Variants in GPC6 observed in about 807,000 individuals in gnomAD.
GPC6 encodes the protein glypican-6.
GPC6 carries 14 observed loss-of-function variants against 55.2 expected under a neutral mutation model. The ratio of observed to expected loss-of-function variants is 0.25; its 90% CI spans 0.17 to 0.40. The LOEUF (loss-of-function observed/expected upper bound fraction) is 0.40. Ranked by LOEUF, GPC6 falls within the 10% of genes least tolerant of loss-of-function variation. The pLI, the probability that GPC6 is intolerant of heterozygous loss-of-function variation, is 1.00. For synonymous variants in GPC6, 278 were observed against 259.6 expected (o/e 1.07, Z -0.68); for missense variants, 641 against 708.5 (o/e 0.90, Z 1.08).
intron 3 of GPC6, among the ~76,000 whole-genome samples, chr13:93,912,353 T>G (rs900239473): frequency 1.3e-5 from 2 of 152,156 alleles, no homozygotes; most frequent in African/African-American, 4.8e-5. Context: ...CCTTTTCTGT[T>G]TTCTCCAAAA....
intron 3 of GPC6, among the ~76,000 whole-genome samples, chr13:93,874,381 G>T (rs557333104): frequency 6.6e-6 from 1 of 151,610 alleles, no homozygotes; most frequent in African/African-American, 2.4e-5. Context: ...ACATGACCTT[G>T]TTCTTTTTTA....
chr13:94,014,529 T>G (rs1566288137), intron 3 of GPC6, among the ~76,000 whole-genome samples: 1 of 152,212 alleles, frequency 6.6e-6, no homozygotes, highest in African/African-American at 2.4e-5. Context: ...ATACATTTTA[T>G]GTACTATAAA....
chr13:94,064,293 T>C (rs968906593), intron 4 of GPC6, among the ~76,000 whole-genome samples: 9 of 152,238 alleles, frequency 5.9e-5, no homozygotes, highest in Admixed American at 3.9e-4. Flanking sequence ...TAGAGGAATG[T>C]AATAAAAATT....
intron 5 of GPC6, among the ~76,000 whole-genome samples, chr13:94,294,460 T>TAAGAG (rs2139096586): frequency 7.1e-6 from 1 of 140,572 alleles, no homozygotes; most frequent in African/African-American, 2.7e-5. Flanking sequence ...AAAAAAACCC[T>TAAGAG]AAGAGAACAG....
intron 1 of GPC6, among the ~76,000 whole-genome samples, chr13:93,428,601 A>AT (rs1877241049): frequency 6.6e-6 from 1 of 152,132 alleles, no homozygotes; most frequent in Non-Finnish European, 1.5e-5. Flanking sequence ...ATGTGTAATG[A>AT]TTATTACGCA....
At chr13:93,803,916 G>T (rs1379210989) in intron 2 of GPC6, among the ~76,000 whole-genome samples, 1 of 152,082 alleles carries the variant, frequency 6.6e-6, no homozygotes, top group Admixed American at 6.6e-5. Flanking sequence ...AGGGTTGGGA[G>T]AAAATCAGAA....
chr13:94,047,336 C>T (rs965821287), intron 4 of GPC6, among the ~76,000 whole-genome samples: 5 of 152,026 alleles, frequency 3.3e-5, no homozygotes, highest in Non-Finnish European at 7.4e-5. Flanking sequence ...TCAGCCTTTA[C>T]TCAATGCCGG....
chr13:93,759,174 C>T (rs921224981), intron 2 of GPC6, among the ~76,000 whole-genome samples: 9 of 152,088 alleles, frequency 5.9e-5, no homozygotes, highest in African/African-American at 2.2e-4. Context: ...TGTATATTTG[C>T]TGATTATAAC....
chr13:94,349,058 G>A (rs1033907033), intron 6 of GPC6, among the ~76,000 whole-genome samples: 4 of 152,176 alleles, frequency 2.6e-5, no homozygotes, highest in African/African-American at 7.2e-5. Flanking sequence ...TGGAGCAGAC[G>A]TGTTTTCATG....
chr13:94,346,301 G>T (rs908496273), intron 6 of GPC6, among the ~76,000 whole-genome samples: 1 of 152,198 alleles, frequency 6.6e-6, no homozygotes, highest in Admixed American at 6.5e-5. Context: ...TGAGGATGGG[G>T]GGAGTGTGAG....
chr13:94,382,381 A>C, intron 6 of GPC6, 33 bp from the exon 7 acceptor site: 3 of 1,612,952 alleles, frequency 1.9e-6, no homozygotes, highest in Non-Finnish European at 2.5e-6. Flanking sequence ...CCTGAGCAGA[A>C]TACTCACTTG....
In GPC6 at chr13:93,343,304, G is replaced by A. The variant is rs1430995963; in HGVS notation, c.160+115688G>A. ...AAGTTTAACACATTCATTTGGATTG[G>A]CTGAGTCCCATACGTTCCTTGTGCT... On this transcript the variant is annotated intron_variant, in intron 1 of 8. Coordinates refer to ENST00000377047, the MANE Select transcript of GPC6 (RefSeq NM_005708.5). Among the ~76,000 whole-genome samples the A allele has an allele frequency of 2.0e-5, 3 of 152,128 alleles. No homozygotes were observed. In the East Asian group the frequency reaches 5.8e-4, roughly 29 times the overall value.
At chr13:93,328,924 T>G (rs961364721) in intron 1 of GPC6, among the ~76,000 whole-genome samples, 1 of 152,092 alleles carries the variant, frequency 6.6e-6, no homozygotes, top group Non-Finnish European at 1.5e-5. Flanking sequence ...GGAGGTAGAC[T>G]CCTGTCAGTT....
Position 94,319,194 on chromosome 13 carries a change from CTT to C in GPC6, c.1152+13075_1152+13076del, listed in dbSNP as rs1447952882. 6.0e-4 allele frequency among the ~76,000 whole-genome samples: 91 copies of C among 152,074 alleles called. 1 individual carries two copies. The highest frequency in any genetic ancestry group is 5.6e-3 in the Admixed American group (86 of 15,274). On this transcript the variant is annotated intron_variant, in intron 6 of 8. Transcript: ENST00000377047. ...ATTGAGGATATTTTCTTACTTCACTCTTTTTCTTTTAGTGTTTGGAACCTAAT... is the reference window on the plus strand; with the variant it reads ...ATTGAGGATATTTTCTTACTTCACTCTTTCTTTTAGTGTTTGGAACCTAAT...
At chr13:93,530,645 C>G (rs1311777178) in intron 1 of GPC6, among the ~76,000 whole-genome samples, 2 of 152,058 alleles carry the variant, frequency 1.3e-5, no homozygotes, top group African/African-American at 4.8e-5. Context: ...ATTTTTGAAT[C>G]TCTTCCTAAG....
chr13:93,307,397 G>A (rs1366129672), intron 1 of GPC6, among the ~76,000 whole-genome samples: 1 of 152,142 alleles, frequency 6.6e-6, no homozygotes, highest in Non-Finnish European at 1.5e-5. Context: ...GAAGAGGGAT[G>A]AAATTTATCC....
intron 5 of GPC6, among the ~76,000 whole-genome samples, chr13:94,291,564 GA>G (rs1238181013): frequency 6.6e-6 from 1 of 152,104 alleles, no homozygotes; most frequent in Non-Finnish European, 1.5e-5. Flanking sequence ...TTCATCAAGG[GA>G]ATGGAATTTT....
intron 3 of GPC6, among the ~76,000 whole-genome samples, chr13:93,940,918 G>A (rs1261544730): frequency 6.6e-6 from 1 of 152,174 alleles, no homozygotes; most frequent in Non-Finnish European, 1.5e-5. Flanking sequence ...AATAATTGCT[G>A]AAGCTGAATG....
At chr13:93,719,543 A>G (rs1883376975) in intron 2 of GPC6, among the ~76,000 whole-genome samples, 1 of 152,050 alleles carries the variant, frequency 6.6e-6, no homozygotes. Context: ...AGATAATTTG[A>G]GTTCCTCTCT....
Sources: allele counts gnomAD v4.1 joint callset (sites outside exome capture counted in the v4.1 genomes callset), GRCh38; gene constraint gnomAD v4.1.1; transcripts MANE v1.5; gene names NCBI Gene and HGNC (gene_info 2026-07-23, HGNC 2026-07-21).